DMD: variants seen among roughly 807,000 people sequenced by gnomAD.
DMD encodes mutant dystrophin.
Under a neutral mutation model 330.1 loss-of-function variants are expected in DMD, and 63 were observed. That is an observed-to-expected ratio of 0.19 (90% confidence interval 0.16 to 0.24). DMD has a LOEUF of 0.24. DMD is among the 10% of genes least tolerant of loss of function. The pLI is 1.00. For synonymous variants in DMD, 1,223 were observed against 959.8 expected (o/e 1.27, Z -5.07); for missense variants, 3,344 against 2,684.1 (o/e 1.25, Z -5.43).
intron 9 of DMD, among the ~76,000 whole-genome samples, chrX:32,689,012 A>G (rs963508946): frequency 9.0e-6 from 1 of 111,148 alleles, no homozygotes; most frequent in Non-Finnish European, 1.9e-5. Flanking sequence ...GTGGAGTTAC[A>G]TCTTTGTAAG....
At chrX:33,072,598 C>T (rs2094776411) in intron 1 of DMD, among the ~76,000 whole-genome samples, 1 of 111,342 alleles carries the variant, frequency 9.0e-6, no homozygotes, top group Non-Finnish European at 1.9e-5. Context: ...GTAAATGCAC[C>T]ATTGATTTGG....
At chrX:32,718,548 T>C (rs971817474) in intron 7 of DMD, among the ~76,000 whole-genome samples, 2 of 111,882 alleles carry the variant, frequency 1.8e-5, no homozygotes, top group Non-Finnish European at 3.8e-5. Flanking sequence ...AATACACATA[T>C]CAAGATAAGG....
At position 32,448,485 on chromosome X, in the gene DMD, T is replaced by C. The variant is rs2098314672; in HGVS notation, c.3757A>G (p.Arg1253Gly). ...AAAGTCTTGCATTTCCCATTCAGCC[T>C]AGTGCAGAGCCACTGGTAGTTGGTG... ...LTTNYQWLCT[R>G]LNGKCKTLEE... is the part of the protein sequence containing the mutation. Residue 1253 changes from arginine (R) to glycine (G), a missense_variant, in exon 27 of 79, where the codon AGG (arginine) becomes GGG (glycine). By Grantham distance (125) the Arg-to-Gly change is moderately radical. Coordinates refer to ENST00000357033, the MANE Select transcript of DMD (RefSeq NM_004006.3). The C allele has an allele frequency of 8.3e-7, 1 of 1,208,755 alleles. No individual in the cohort carries two copies. Among genetic ancestry groups the C allele is most frequent in the Non-Finnish European group, 1.1e-6 (1 of 893,291 alleles).
chrX:31,797,147 A>C (rs1035175969), intron 50 of DMD, among the ~76,000 whole-genome samples: 1 of 112,215 alleles, frequency 8.9e-6, no homozygotes, highest in Non-Finnish European at 1.9e-5. Context: ...AATTTAAAAA[A>C]ATTGACAATA....
chrX:32,802,868 G>A (rs1358253860), intron 7 of DMD, among the ~76,000 whole-genome samples: 1 of 111,824 alleles, frequency 8.9e-6, no homozygotes, highest in Admixed American at 9.5e-5. Flanking sequence ...GCTGGATTCG[G>A]TTTGCCAGTA....
chrX:32,775,201 A>C (rs2074015865), intron 7 of DMD, among the ~76,000 whole-genome samples: 1 of 112,677 alleles, frequency 8.9e-6, no homozygotes, highest in Non-Finnish European at 1.9e-5. Flanking sequence ...TCTGCAGAGC[A>C]CAGCCCCCAT....
At chrX:32,086,335 C>A (rs1442768797) in intron 44 of DMD, among the ~76,000 whole-genome samples, 8 of 111,703 alleles carry the variant, frequency 7.2e-5, no homozygotes, top group Admixed American at 6.7e-4. Context: ...GTACAGATCT[C>A]TAAAATGTTA....
intron 13 of DMD, among the ~76,000 whole-genome samples, chrX:32,581,256 T>G (rs1245496073): frequency 1.8e-5 from 2 of 112,267 alleles, no homozygotes; most frequent in Non-Finnish European, 3.8e-5. Flanking sequence ...CCTAATAAAA[T>G]GCATAAGATA....
At chrX:31,456,834 ATATGTGTGTGTGTGTG>A (rs2066197025) in intron 59 of DMD, among the ~76,000 whole-genome samples, 1 of 67,082 alleles carries the variant, frequency 1.5e-5, no homozygotes, top group African/African-American at 6.1e-5. Context: ...GTGCCCACAT[ATATGTGTGTGTGTGTG>A]TGTGTGTGTG....
intron 19 of DMD, among the ~76,000 whole-genome samples, chrX:32,493,834 T>C (rs546846629): frequency 9.0e-6 from 1 of 111,656 alleles, no homozygotes; most frequent in South Asian, 3.8e-4. Flanking sequence ...TCAGCATATG[T>C]TGAACTTGAA....
chrX:32,699,450 G>A (rs1376174546), intron 7 of DMD, among the ~76,000 whole-genome samples, 157 bp from the exon 8 acceptor site: 1 of 111,675 alleles, frequency 9.0e-6, no homozygotes. Flanking sequence ...ATGAGAATGA[G>A]GCCTAAAATG....
At chrX:31,939,663 C>CA (rs374986776) in intron 45 of DMD, among the ~76,000 whole-genome samples, 33 of 108,728 alleles carry the variant, frequency 3.0e-4, no homozygotes, top group African/African-American at 6.7e-4. Context: ...TAACAGCACT[C>CA]AAAAAAAATG....
At chrX:32,529,403 T>C (rs1368908425) in intron 17 of DMD, among the ~76,000 whole-genome samples, 2 of 70,713 alleles carry the variant, frequency 2.8e-5, no homozygotes, top group African/African-American at 1.1e-4. Context: ...TTTTTTTTTT[T>C]TTTTTTTTTT....
At chrX:32,735,865 T>A (rs2068393764) in intron 7 of DMD, among the ~76,000 whole-genome samples, 1 of 111,633 alleles carries the variant, frequency 9.0e-6, no homozygotes, top group Admixed American at 9.5e-5. Flanking sequence ...GGCAAGGACT[T>A]CATGTCTAAA....
rs1420914249 is a variant in DMD, at chrX:31,836,749, T to C, written c.7169A>G (p.Tyr2390Cys). Reference protein sequence around the residue: ...EEILSKGQHLYKEKPATQPVK... With the variant: ...EEILSKGQHLCKEKPATQPVK... Reference sequence around the variant, plus strand: ...TGGCTGAGTGGCTGGTTTTTCCTTGTACAAATGCTGCCCTTTAGACAAAAT... The same window carrying C: ...TGGCTGAGTGGCTGGTTTTTCCTTGCACAAATGCTGCCCTTTAGACAAAAT... Residue 2390 changes from tyrosine to cysteine, a missense_variant, in exon 49 of 79, where the codon TAC becomes TGC. Tyr to Cys is a radical substitution (Grantham distance 194, BLOSUM62 -2). Coordinates refer to ENST00000357033, the MANE Select transcript of DMD (RefSeq NM_004006.3). 7 of 1,210,254 alleles carry C rather than the reference T, an allele frequency of 5.8e-6. No homozygotes were observed. The highest frequency in any genetic ancestry group is 1.7e-5 in the African/African-American group (1 of 57,347).
At chrX:32,959,397 C>T (rs2091779709) in intron 2 of DMD, among the ~76,000 whole-genome samples, 1 of 111,546 alleles carries the variant, frequency 9.0e-6, no homozygotes, top group Non-Finnish European at 1.9e-5. Context: ...ATGTAAAACA[C>T]ACCACTGTGG....
intron 44 of DMD, among the ~76,000 whole-genome samples, chrX:32,085,673 C>T (rs763035480): frequency 2.9e-4 from 13 of 44,248 alleles, no homozygotes; most frequent in East Asian, 9.1e-4. Context: ...CGTATATATA[C>T]ACACGCGTAT....
At chrX:32,663,850 G>A (rs1453243351) in intron 9 of DMD, among the ~76,000 whole-genome samples, 1 of 111,809 alleles carries the variant, frequency 8.9e-6, no homozygotes, top group East Asian at 2.8e-4. Flanking sequence ...ATGTGAGTAT[G>A]TGGAGGAAAT....
intron 43 of DMD, among the ~76,000 whole-genome samples, chrX:32,252,687 T>TATATATAAATATATAA (rs1557243063): frequency 2.8e-5 from 1 of 35,520 alleles, no homozygotes; most frequent in Non-Finnish European, 4.6e-5. Context: ...AATATATAAA[T>TATATATAAATATATAA]ATATATATAA....
Sources: gnomAD v4.1 joint callset for allele counts (sites outside exome capture counted in the v4.1 genomes callset) on GRCh38, gnomAD v4.1.1 for gene constraint, MANE v1.5 for transcripts, NCBI Gene and HGNC (gene_info 2026-07-23, HGNC 2026-07-21) for gene names.